The following CSGALNACT1 variants were observed in gnomAD, a reference collection of about 807,000 sequenced individuals.
CSGALNACT1 encodes the protein beta4GalNAcT-1.
CSGALNACT1 carries 52 observed loss-of-function variants against 51.0 expected under a neutral mutation model. That is an observed-to-expected ratio of 1.02 (90% CI 0.82 to 1.29). The LOEUF is 1.29. Among genes scored for constraint, CSGALNACT1 ranks in the 50% most tolerant of loss-of-function variants. CSGALNACT1 has a pLI of 0.00. For missense variants in CSGALNACT1, 935 were observed against 679.2 expected, an observed-to-expected ratio of 1.38 and a Z score of -4.19; for synonymous variants, 341 against 254.4, an observed-to-expected ratio of 1.34 and a Z score of -3.24.
intron 3 of CSGALNACT1, among the ~76,000 whole-genome samples, chr8:19,539,579 G>C (rs1169067881): frequency 1.3e-5 from 2 of 152,138 alleles, no homozygotes; most frequent in Non-Finnish European, 2.9e-5. Context: ...AAAGAGCCAA[G>C]CAATATAATG....
chr8:19,437,835 T>G (rs936778351), intron 6 of CSGALNACT1, among the ~76,000 whole-genome samples: 3 of 152,198 alleles, frequency 2.0e-5, no homozygotes, highest in Admixed American at 2.0e-4. Flanking sequence ...TGCCAAAGTT[T>G]GAGGCAAACC....
chr8:19,592,855 T>C (rs1173771641), intron 2 of CSGALNACT1, among the ~76,000 whole-genome samples: 1 of 152,218 alleles, frequency 6.6e-6, no homozygotes, highest in African/African-American at 2.4e-5. Flanking sequence ...AAGTTCTTTG[T>C]ACTATTCTTA....
chr8:19,520,084 A>C (rs1242448963), intron 3 of CSGALNACT1, among the ~76,000 whole-genome samples: 3 of 152,184 alleles, frequency 2.0e-5, no homozygotes, highest in African/African-American at 7.2e-5. Flanking sequence ...AGACAAAATA[A>C]ACAGCCTAAC....
At chr8:19,490,496 A>T (rs964544174) in intron 4 of CSGALNACT1, among the ~76,000 whole-genome samples, 10 of 152,184 alleles carry the variant, frequency 6.6e-5, no homozygotes, top group African/African-American at 2.4e-4. Context: ...TGCCACCAGG[A>T]AAGGGACTCT....
intron 3 of CSGALNACT1, among the ~76,000 whole-genome samples, chr8:19,560,013 C>G (rs1454510623): frequency 6.6e-6 from 1 of 152,154 alleles, no homozygotes; most frequent in Non-Finnish European, 1.5e-5. Context: ...GTAATTAAAC[C>G]AGTGTGCTAC....
At chr8:19,636,058 A>C (rs1001919952) in intron 1 of CSGALNACT1, among the ~76,000 whole-genome samples, 3 of 152,104 alleles carry the variant, frequency 2.0e-5, no homozygotes, top group African/African-American at 7.2e-5. Flanking sequence ...CATTCCTCAG[A>C]TTTTACGGTA....
chr8:19,749,363 A>AG (rs928190770), intron 1 of CSGALNACT1, among the ~76,000 whole-genome samples: 19 of 152,030 alleles, frequency 1.2e-4, no homozygotes, highest in African/African-American at 4.6e-4. Flanking sequence ...CTTTAAAAAA[A>AG]AAAGCCTGAA....
At chr8:19,406,578 T>C (rs1295573483) in intron 9 of CSGALNACT1, among the ~76,000 whole-genome samples, 3 of 132,096 alleles carry the variant, frequency 2.3e-5, no homozygotes, top group Non-Finnish European at 4.6e-5. Flanking sequence ...AAACATCACA[T>C]GTACCCCATA....
At chr8:19,412,533 C>T (rs905280199) in intron 8 of CSGALNACT1, among the ~76,000 whole-genome samples, 8 of 152,170 alleles carry the variant, frequency 5.3e-5, no homozygotes, top group African/African-American at 1.7e-4. Context: ...TCAGGCAGAG[C>T]GCCTCCTTTC....
At chr8:19,593,591 T>C (rs1588832092) in intron 2 of CSGALNACT1, among the ~76,000 whole-genome samples, 1 of 152,212 alleles carries the variant, frequency 6.6e-6, no homozygotes, top group African/African-American at 2.4e-5. Flanking sequence ...TAATGTACAA[T>C]GATTTGTTCT....
chr8:19,505,976 T>A (rs1324583361), exon 4 of CSGALNACT1: 2 of 915,840 alleles, frequency 2.2e-6, no homozygotes, highest in Non-Finnish European at 3.4e-6. Context: ...CTAGAACGAG[T>A]TCTGCCTCTT....
chr8:19,413,944 C>T (rs1165210423), intron 8 of CSGALNACT1, among the ~76,000 whole-genome samples: 1 of 152,126 alleles, frequency 6.6e-6, no homozygotes, highest in Non-Finnish European at 1.5e-5. Flanking sequence ...TCTCTGCATC[C>T]ATTTGAGAGT....
At chr8:19,583,445 T>G (rs1403869086) in intron 3 of CSGALNACT1, among the ~76,000 whole-genome samples, 1 of 152,222 alleles carries the variant, frequency 6.6e-6, no homozygotes, top group Non-Finnish European at 1.5e-5. Context: ...GAAAAAATCC[T>G]AAGCTGCATT....
chr8:19,492,081 C>T (rs969053151), intron 4 of CSGALNACT1, among the ~76,000 whole-genome samples: 11 of 152,206 alleles, frequency 7.2e-5, no homozygotes, highest in Admixed American at 3.9e-4. Context: ...AATGTGTTTA[C>T]AATGCCACTC....
chr8:19,474,770 G>C (rs2069046481), intron 4 of CSGALNACT1, among the ~76,000 whole-genome samples: 1 of 148,578 alleles, frequency 6.7e-6, no homozygotes, highest in Non-Finnish European at 1.5e-5. Context: ...CAGGAGGCTA[G>C]GTAGGAGAAT....
chr8:19,437,952 T>C (rs1218884216), intron 6 of CSGALNACT1, among the ~76,000 whole-genome samples: 1 of 152,214 alleles, frequency 6.6e-6, no homozygotes, highest in East Asian at 1.9e-4. Flanking sequence ...TAATTTGATA[T>C]GGAGAAGAAT....
At chr8:19,731,246 G>C (rs2063675615) in intron 1 of CSGALNACT1, among the ~76,000 whole-genome samples, 1 of 152,084 alleles carries the variant, frequency 6.6e-6, no homozygotes, top group South Asian at 2.1e-4. Flanking sequence ...AGTGGCTCAT[G>C]CCTGTAATCC....
chr8:19,682,756 A>AAGC (rs2060719889), upstream of CSGALNACT1: 1 of 453,952 alleles, frequency 2.2e-6, no homozygotes, highest in Non-Finnish European at 4.4e-6. Flanking sequence ...ATCCCAGAAC[A>AAGC]AGCCCGTCTG....
chr8:19,546,232 A>C (rs951282509), intron 3 of CSGALNACT1, among the ~76,000 whole-genome samples: 1 of 152,208 alleles, frequency 6.6e-6, no homozygotes, highest in East Asian at 1.9e-4. Flanking sequence ...CAAGTATATA[A>C]ATACATAAAA....
Sources: allele counts gnomAD v4.1 joint callset (sites outside exome capture counted in the v4.1 genomes callset), GRCh38; gene constraint gnomAD v4.1.1; transcripts MANE v1.5; gene names NCBI Gene and HGNC (gene_info 2026-07-23, HGNC 2026-07-21).